Variants in NHSL1 observed in about 807,000 individuals in gnomAD.
NHSL1 encodes NHS-like protein 1.
A neutral mutation model predicts 95.0 loss-of-function variants in NHSL1; 48 were observed. That is an observed-to-expected ratio of 0.51 (90% CI 0.40 to 0.64). The LOEUF (loss-of-function observed/expected upper bound fraction) is 0.64. Among genes scored for constraint, NHSL1 ranks in the 30% least tolerant of loss-of-function variants. The pLI is 0.00. For synonymous variants in NHSL1, 783 were observed against 833.9 expected, an observed-to-expected ratio of 0.94 and a Z score of 1.05; for missense variants, 1,971 against 2,077.7, an observed-to-expected ratio of 0.95 and a Z score of 1.00.
intron 1 of NHSL1, among the ~76,000 whole-genome samples, chr6:138,635,161 GAAGAA>G (rs1784871571): frequency 6.7e-6 from 1 of 149,988 alleles, no homozygotes; most frequent in Non-Finnish European, 1.5e-5. Flanking sequence ...AAAATTCCTA[GAAGAA>G]AAGAAATAAT....
chr6:138,509,582 C>T (rs1025623888), intron 1 of NHSL1, among the ~76,000 whole-genome samples: 4 of 152,206 alleles, frequency 2.6e-5, no homozygotes, highest in Non-Finnish European at 5.9e-5. Flanking sequence ...ACAGGGGACA[C>T]CATGACACTC....
chr6:138,549,930 T>C (rs373968825), upstream of NHSL1, among the ~76,000 whole-genome samples: 1 of 151,820 alleles, frequency 6.6e-6, no homozygotes, highest in East Asian at 1.9e-4. Flanking sequence ...AAATATAAAG[T>C]TATCATATTA....
chr6:138,527,224 G>A (rs527646040), intron 1 of NHSL1, among the ~76,000 whole-genome samples: 13 of 151,040 alleles, frequency 8.6e-5, no homozygotes, highest in Admixed American at 8.6e-4. Context: ...TTCTTTCATG[G>A]TTACATATTT....
chr6:138,676,778 C>T (rs964371706), intron 1 of NHSL1, among the ~76,000 whole-genome samples: 2 of 152,204 alleles, frequency 1.3e-5, no homozygotes, highest in African/African-American at 4.8e-5. Context: ...CCTCAGCCTC[C>T]TGAGTAGCTG....
At chr6:138,497,867 G>C (rs903831674) in intron 1 of NHSL1, among the ~76,000 whole-genome samples, 1 of 152,142 alleles carries the variant, frequency 6.6e-6, no homozygotes, top group African/African-American at 2.4e-5. Context: ...CACCTTCTCC[G>C]TAAGTTGCTA....
At chr6:138,552,193 G>A (rs1783031751) in intron 1 of NHSL1, among the ~76,000 whole-genome samples, 1 of 152,160 alleles carries the variant, frequency 6.6e-6, no homozygotes, top group African/African-American at 2.4e-5. Context: ...GGCCGAGGCA[G>A]GCGGATCACG....
intron 1 of NHSL1, among the ~76,000 whole-genome samples, chr6:138,627,753 C>T (rs1011622011): frequency 3.3e-5 from 5 of 151,836 alleles, no homozygotes; most frequent in African/African-American, 7.3e-5. Context: ...TGGTGGCGGG[C>T]GCCTGTAATC....
chr6:138,455,174 C>T (rs1432238466), intron 3 of NHSL1, among the ~76,000 whole-genome samples: 1 of 152,206 alleles, frequency 6.6e-6, no homozygotes, highest in Non-Finnish European at 1.5e-5. Flanking sequence ...ATTTGTGTTT[C>T]TACAGTTTCC....
intron 1 of NHSL1, among the ~76,000 whole-genome samples, chr6:138,558,157 C>A (rs1015227315): frequency 2.0e-5 from 3 of 151,906 alleles, no homozygotes; most frequent in African/African-American, 7.3e-5. Context: ...GAGTCTTGTT[C>A]TGTTGCCCAG....
upstream of NHSL1, among the ~76,000 whole-genome samples, chr6:138,693,011 C>G (rs1309552156): frequency 6.6e-6 from 1 of 151,144 alleles, no homozygotes; most frequent in African/African-American, 2.4e-5. The surrounding 1 kb of genome is among the most constrained non-coding windows in gnomAD (Gnocchi z 4.3). Flanking sequence ...GCCTGGCGCC[C>G]GGCGGCGTTC....
At chr6:138,632,494 C>T (rs1009142203) in intron 1 of NHSL1, among the ~76,000 whole-genome samples, 7 of 152,196 alleles carry the variant, frequency 4.6e-5, no homozygotes, top group African/African-American at 1.7e-4. Flanking sequence ...TGTGTCACTC[C>T]ACCCCCAACC....
At chr6:138,464,362 C>T (rs376154600) in intron 3 of NHSL1, 10 of 488,820 alleles carry the variant, frequency 2.0e-5, no homozygotes, top group African/African-American at 8.0e-5. Context: ...TGCAGGTGGT[C>T]GCCATCGCTG....
intron 4 of NHSL1, among the ~76,000 whole-genome samples, chr6:138,446,170 T>C (rs772476809): frequency 1.3e-5 from 2 of 152,016 alleles, no homozygotes; most frequent in Non-Finnish European, 2.9e-5. Flanking sequence ...CCAGAGTAGC[T>C]GGGATTACAC....
chr6:138,490,144 T>C (rs1056594172), intron 2 of NHSL1, among the ~76,000 whole-genome samples: 8 of 152,116 alleles, frequency 5.3e-5, no homozygotes, highest in African/African-American at 1.9e-4. Context: ...CTGTGTTATA[T>C]GTCATATTTT....
rs146188008 is a variant in NHSL1, at chr6:138,651,489, G to A, written c.96+40987C>T. On this transcript the variant is annotated intron_variant, in intron 1 of 3. Coordinates refer to the NHSL1 transcript ENST00000491526. ...AAAATAGAATAGTTGTAGAAACAAC[G>A]AAACTTCAATGCTCACTCAGAAATC... Among the ~76,000 whole-genome samples the A allele has an allele frequency of 2.7e-3, 409 of 152,254 alleles. 2 individuals are homozygous for A. The highest frequency in any genetic ancestry group is 9.4e-3 in the African/African-American group (392 of 41,542).
chr6:138,452,498 A>G (rs1033453364), intron 3 of NHSL1, among the ~76,000 whole-genome samples: 12 of 152,246 alleles, frequency 7.9e-5, no homozygotes, highest in Non-Finnish European at 1.6e-4. Flanking sequence ...TTATAGCCAG[A>G]GCTAAACTTA....
Position 138,432,696 on chromosome 6 carries a change from G to A in NHSL1, c.1649C>T (p.Ser550Leu), listed in dbSNP as rs530560778. Reference protein sequence around the residue: ...SYSGGGGHSSSEPWEYKSSGN... With the variant: ...SYSGGGGHSSLEPWEYKSSGN... ...TGAGGATTTGTATTCCCAGGGCTCC[G>A]AGCTGCTGTGCCCTCCGCCCCCTGA... Residue 550 changes from serine to leucine, a missense_variant, in exon 6 of 8, where the codon TCG (serine) becomes TTG (leucine). Ser to Leu is a moderately radical substitution (Grantham distance 145, BLOSUM62 -2). Coordinates refer to ENST00000343505, the MANE Select transcript of NHSL1 (RefSeq NM_001144060.2). The surrounding 1 kb of genome is among the most constrained non-coding windows in gnomAD (Gnocchi z 4.4). 10 of 1,551,532 alleles carry A rather than the reference G, an allele frequency of 6.4e-6. No homozygotes were observed. The highest frequency in any genetic ancestry group is 5.5e-5 in the African/African-American group (4 of 73,020).
chr6:138,610,347 A>G (rs920068297), intron 1 of NHSL1, among the ~76,000 whole-genome samples: 4 of 152,000 alleles, frequency 2.6e-5, no homozygotes, highest in African/African-American at 7.3e-5. Context: ...CAATGAGAAC[A>G]CTTGGACACA....
At chr6:138,630,049 C>CA (rs1488541316) in intron 1 of NHSL1, among the ~76,000 whole-genome samples, 6 of 152,112 alleles carry the variant, frequency 3.9e-5, no homozygotes, top group Admixed American at 3.3e-4. Flanking sequence ...CCTGTCTCTA[C>CA]AAAAAATCTT....
Sources: gnomAD v4.1 joint callset for allele counts (sites outside exome capture counted in the v4.1 genomes callset) on GRCh38, gnomAD v4.1.1 for gene constraint, Gnocchi (gnomAD v3.1) non-coding constraint, MANE v1.5 for transcripts, NCBI Gene and HGNC (gene_info 2026-07-23, HGNC 2026-07-21) for gene names.